RUNX1: variants seen among roughly 807,000 people sequenced by gnomAD.
RUNX1 encodes the protein runt-related transcription factor 1.
Under a neutral mutation model 42.8 loss-of-function variants are expected in RUNX1, and 19 were observed. That is an observed-to-expected ratio of 0.44 (90% confidence interval 0.31 to 0.65). The LOEUF (loss-of-function observed/expected upper bound fraction) is 0.65. RUNX1 is among the 30% of genes least tolerant of loss of function. The probability of loss-of-function intolerance (pLI) is 0.07; values close to 1 mark genes in which losing one functional copy is unlikely to be tolerated. For missense variants in RUNX1, 528 were observed against 672.0 expected (o/e 0.79, Z 2.37); for synonymous variants, 271 against 289.4 (o/e 0.94, Z 0.64).
intron 7 of RUNX1, among the ~76,000 whole-genome samples, chr21:34,810,955 G>A (rs143183276): frequency 2.0e-4 from 30 of 152,204 alleles, no homozygotes; most frequent in African/African-American, 7.0e-4. Context: ...AGCATGCACC[G>A]CTAGGATGCA....
intron 2 of RUNX1, among the ~76,000 whole-genome samples, chr21:34,946,441 T>C (rs2834687): frequency 0.2 from 30,386 of 152,072 alleles, 6,729 homozygotes; most frequent in African/African-American, 0.55. Context: ...TCCTTCACAC[T>C]TCTGCACTTG....
At chr21:34,859,668 G>C in intron 5 of RUNX1, 90 bp from the exon 6 acceptor site, 1 of 1,097,222 alleles carries the variant, frequency 9.1e-7, no homozygotes, top group South Asian at 1.2e-5. Flanking sequence ...ATGCTGTCCA[G>C]CCCTTCAGCA....
In RUNX1 at chr21:34,792,483, G is replaced by T; in HGVS notation, c.1095C>A (p.Gly365=). 6.3e-7 allele frequency: 1 copy of T among 1,590,818 alleles called. No individual in the cohort carries two copies. Among genetic ancestry groups the T allele is most frequent in the Non-Finnish European group, 8.6e-7 (1 of 1,168,740 alleles). The change falls in exon 9 of 9, where the codon GGC becomes GGA. Residue 365 remains glycine (G), a synonymous_variant. Coordinates refer to ENST00000675419, the MANE Select transcript of RUNX1 (RefSeq NM_001754.5). The surrounding 1 kb of genome is among the most constrained non-coding windows in gnomAD (Gnocchi z 6.9). The part of the protein sequence containing the change: ...YSPTPVTSGI[G]IGMSAMGSAT... The stretch of plus-strand genomic sequence containing the variant: ...CCGAGCCCATGGCCGACATGCCGAT[G>T]CCGATGCCCGAGGTGACCGGCGTCG...
intron 4 of RUNX1, among the ~76,000 whole-genome samples, chr21:34,886,028 A>AC (rs1389604876): frequency 6.6e-6 from 1 of 152,190 alleles, no homozygotes; most frequent in East Asian, 1.9e-4. Context: ...AGGGGTGAAA[A>AC]GTGAAGGGAG....
chr21:34,998,839 C>A (rs975936297), intron 2 of RUNX1, among the ~76,000 whole-genome samples: 1 of 152,224 alleles, frequency 6.6e-6, no homozygotes, highest in African/African-American at 2.4e-5. Context: ...CCGTGCCCGG[C>A]CTCTTTTTTC....
At chr21:34,990,126 C>T (rs1569139653) in intron 2 of RUNX1, among the ~76,000 whole-genome samples, 2 of 152,202 alleles carry the variant, frequency 1.3e-5, no homozygotes, top group Non-Finnish European at 2.9e-5. Context: ...TGCTGCTGCA[C>T]TGAGCTGCTC....
chr21:34,859,624 T>C (rs2146237647), intron 5 of RUNX1, 46 bp from the exon 6 acceptor site: 1 of 1,386,686 alleles, frequency 7.2e-7, no homozygotes, highest in East Asian at 2.3e-5. Flanking sequence ...GTTGGTGGCC[T>C]GAACATATCT....
chr21:34,995,435 CT>C (rs5843694), intron 2 of RUNX1, among the ~76,000 whole-genome samples: 4,823 of 81,960 alleles, frequency 0.059, 30 homozygotes, highest in Middle Eastern at 0.075. Flanking sequence ...TTTCTGGGAG[CT>C]TTTTTTTTTT....
rs2059011860 is a variant in RUNX1 at position 34,998,281 on chromosome 21, G to A, written c.58+50561C>T. On this transcript the variant is annotated intron_variant, in intron 2 of 8. Transcript: ENST00000675419. The stretch of plus-strand genomic sequence containing the variant: ...AAAGGGGACCTGAGCAGGGGCCACA[G>A]AGATCAGCCCCATTTTCCTGAGAAC... Among the ~76,000 whole-genome samples, 3 of 152,124 alleles carry A rather than the reference G, an allele frequency of 2.0e-5. No individual in the cohort carries two copies. The South Asian group carries it at 6.2e-4, about 32-fold the overall frequency.
chr21:35,038,446 C>T (rs778293732), intron 2 of RUNX1: 4 of 447,128 alleles, frequency 8.9e-6, no homozygotes, highest in Non-Finnish European at 1.8e-5. Context: ...AGAGAAGCTA[C>T]GTCCTGGTGA....
chr21:34,964,064 A>G (rs1348133109), intron 2 of RUNX1, among the ~76,000 whole-genome samples: 2 of 152,244 alleles, frequency 1.3e-5, no homozygotes, highest in African/African-American at 2.4e-5. Context: ...AGTATCAGCC[A>G]CTGCGATAAG....
intron 6 of RUNX1, among the ~76,000 whole-genome samples, chr21:34,844,389 C>T (rs747651012): frequency 6.6e-6 from 1 of 152,174 alleles, no homozygotes; most frequent in Non-Finnish European, 1.5e-5. Flanking sequence ...ACACTGCTTG[C>T]GTGAGCATGT....
chr21:34,888,737 G>A (rs1601533050), intron 3 of RUNX1: 5 of 999,966 alleles, frequency 5.0e-6, no homozygotes, highest in East Asian at 6.3e-5. Context: ...AAGCCCGGCC[G>A]GAGGAATTCC....
intron 7 of RUNX1, among the ~76,000 whole-genome samples, chr21:34,828,019 C>T (rs1478097282): frequency 6.6e-6 from 1 of 152,208 alleles, no homozygotes; most frequent in East Asian, 1.9e-4. Context: ...TTGGGGCTAT[C>T]CCTGAGAACC....
chr21:34,851,677 T>C (rs1449043430), intron 6 of RUNX1, among the ~76,000 whole-genome samples: 1 of 152,186 alleles, frequency 6.6e-6, no homozygotes, highest in Non-Finnish European at 1.5e-5. Context: ...TGGTGTGGCA[T>C]TCAAATTAGT....
chr21:34,959,966 G>A (rs2058671287), intron 2 of RUNX1, among the ~76,000 whole-genome samples: 1 of 152,146 alleles, frequency 6.6e-6, no homozygotes, highest in Non-Finnish European at 1.5e-5. Context: ...GGACTGGGCT[G>A]GCAGGTGAGG....
At chr21:34,881,620 C>CT (rs1244346303) in intron 4 of RUNX1, among the ~76,000 whole-genome samples, 16 of 152,350 alleles carry the variant, frequency 1.1e-4, no homozygotes, top group Admixed American at 2.6e-4. Flanking sequence ...AGGTTTTCTG[C>CT]TAGCCCAGCT....
chr21:34,817,878 C>T (rs2056850237), intron 7 of RUNX1, among the ~76,000 whole-genome samples: 1 of 152,194 alleles, frequency 6.6e-6, no homozygotes, highest in Admixed American at 6.5e-5. Context: ...CTGCCCGGGG[C>T]CGCCTCATGT....
At chr21:34,940,352 C>T (rs1014092444) in intron 2 of RUNX1, among the ~76,000 whole-genome samples, 1 of 152,160 alleles carries the variant, frequency 6.6e-6, no homozygotes, top group Non-Finnish European at 1.5e-5. Flanking sequence ...TCTTTAATGT[C>T]CCAGTTAAAA....
Sources: allele counts gnomAD v4.1 joint callset (sites outside exome capture counted in the v4.1 genomes callset), GRCh38; gene constraint gnomAD v4.1.1; non-coding constraint Gnocchi (gnomAD v3.1); transcripts MANE v1.5; gene names NCBI Gene and HGNC (gene_info 2026-07-23, HGNC 2026-07-21).